Variants in BLK observed in about 807,000 individuals in gnomAD.
BLK encodes BLK proto-oncogene, Src family tyrosine kinase.
A neutral mutation model predicts 61.8 loss-of-function variants in BLK; 64 were observed. That is an observed-to-expected ratio of 1.03 (90% confidence interval 0.85 to 1.27). BLK has a LOEUF of 1.27. Among genes scored for constraint, BLK ranks in the 50% most tolerant of loss-of-function variants. BLK has a pLI of 0.00. For synonymous variants in BLK, 351 were observed against 272.0 expected (o/e 1.29, Z -2.86); for missense variants, 853 against 660.5 (o/e 1.29, Z -3.19).
At chr8:11,518,509 G>A (rs959734267) in intron 1 of BLK, among the ~76,000 whole-genome samples, 4 of 151,974 alleles carry the variant, frequency 2.6e-5, no homozygotes, top group Non-Finnish European at 4.4e-5. Context: ...TCACTGTCAC[G>A]CTGTTGCTGG....
Position 11,563,946 on chromosome 8 carries a change from C to T in BLK, c.1356C>T (p.Tyr452=), listed in dbSNP as rs537949045. 1.2e-6 allele frequency: 2 copies of T among 1,607,494 alleles called. No homozygotes were observed. The highest frequency in any genetic ancestry group is 2.2e-5 in the East Asian group (1 of 44,846). Residue 452 remains tyrosine (Y), a synonymous_variant, in exon 13 of 13, where the codon TAC becomes TAT. Transcript: ENST00000259089. ...PEVIRNLERG[Y]RMPRPDTCPP... ...TCATCCGCAACCTGGAGCGCGGCTA[C>T]CGCATGCCGCGCCCCGACACCTGCC...
At chr8:11,507,195 G>A (rs1053815764) in intron 1 of BLK, among the ~76,000 whole-genome samples, 4 of 152,242 alleles carry the variant, frequency 2.6e-5, no homozygotes, top group Non-Finnish European at 5.9e-5. Context: ...CTTGGCAGAG[G>A]AAGAGTGAAG....
chr8:11,523,234 C>T (rs929556189), intron 1 of BLK, among the ~76,000 whole-genome samples: 1 of 152,182 alleles, frequency 6.6e-6, no homozygotes, highest in African/African-American at 2.4e-5. Context: ...CTGCATAATA[C>T]ATACCATGCT....
At chr8:11,525,578 A>G (rs1223047170) in intron 1 of BLK, among the ~76,000 whole-genome samples, 3 of 152,164 alleles carry the variant, frequency 2.0e-5, no homozygotes, top group Non-Finnish European at 4.4e-5. Flanking sequence ...TTACCTATCT[A>G]TTCATTTGCT....
At chr8:11,551,180 G>A (rs921353923) in intron 6 of BLK, among the ~76,000 whole-genome samples, 2 of 152,182 alleles carry the variant, frequency 1.3e-5, no homozygotes, top group Admixed American at 6.5e-5. Context: ...AGCAGTGTTT[G>A]TGGGATTCTA....
intron 1 of BLK, among the ~76,000 whole-genome samples, chr8:11,540,915 C>T (rs1348460120): frequency 6.6e-6 from 1 of 151,464 alleles, no homozygotes; most frequent in Non-Finnish European, 1.5e-5. Context: ...CACCTTAATG[C>T]TAATGCCTCA....
At chr8:11,561,267 C>T (rs770895584) in intron 10 of BLK, 35 bp from the exon 11 acceptor site, 6 of 1,604,554 alleles carry the variant, frequency 3.7e-6, no homozygotes, top group Non-Finnish European at 5.1e-6. Flanking sequence ...GTGGAGGCCC[C>T]CAGGCTGTCC....
intron 1 of BLK, among the ~76,000 whole-genome samples, chr8:11,525,213 C>A (rs1464518514): frequency 6.6e-6 from 1 of 152,186 alleles, no homozygotes; most frequent in African/African-American, 2.4e-5. Context: ...TAAGTAATTG[C>A]TTGTCTGTTT....
intron 5 of BLK, among the ~76,000 whole-genome samples, chr8:11,549,792 AGTTT>A: frequency 6.6e-6 from 1 of 152,226 alleles, no homozygotes; most frequent in Non-Finnish European, 1.5e-5. Context: ...GAGTCTCGGC[AGTTT>A]GCCTAATTCA....
intron 1 of BLK, among the ~76,000 whole-genome samples, chr8:11,533,013 A>G (rs1799952577): frequency 6.6e-6 from 1 of 152,250 alleles, no homozygotes; most frequent in African/African-American, 2.4e-5. Flanking sequence ...TGTCAGGGCT[A>G]CATATAATAC....
intron 1 of BLK, among the ~76,000 whole-genome samples, chr8:11,510,314 G>C (rs550379797): frequency 1.3e-5 from 2 of 152,240 alleles, no homozygotes; most frequent in Non-Finnish European, 2.9e-5. Context: ...CATATTTGCT[G>C]GCCAGGGTTA....
At chr8:11,534,392 C>T (rs1038810251) in intron 1 of BLK, among the ~76,000 whole-genome samples, 8 of 152,276 alleles carry the variant, frequency 5.3e-5, no homozygotes, top group African/African-American at 1.9e-4. Flanking sequence ...CATAAATTTA[C>T]ATGGTGTTCC....
At chr8:11,510,221 G>T (rs4840570) in intron 1 of BLK, among the ~76,000 whole-genome samples, 37,160 of 152,130 alleles carry the variant, frequency 0.24, 5,174 homozygotes, top group Middle Eastern at 0.33. Context: ...GGGGGCTGGC[G>T]TGGGGTAAGC....
In BLK at chr8:11,555,489, G is replaced by T. The variant is rs1221739760; in HGVS notation, c.772+5G>T. ...AATTCGGCGAAGTCTGGATGGGTGA[G>T]TGTGTGCACACGTGGGAGCATTTCT... On this transcript the variant is annotated splice_donor_5th_base_variant and intron_variant, in intron 8 of 12. Coordinates refer to ENST00000259089, the MANE Select transcript of BLK (RefSeq NM_001715.3). The T allele has an allele frequency of 1.9e-6, 3 of 1,614,036 alleles. No homozygotes were observed. Among genetic ancestry groups the T allele is most frequent in the Non-Finnish European group, 2.5e-6 (3 of 1,180,040 alleles).
rs749456754 is a variant in BLK at position 11,548,131 on chromosome 8, G to C, written c.269+6G>C. On this transcript the variant is annotated splice_donor_region_variant and intron_variant, in intron 4 of 12. Transcript: ENST00000259089. ...AAGCTACAGGTCCTGAAGGGGTGAG[G>C]TTCCAGGACACCATCCCCTGTCCCT... The C allele has an allele frequency of 6.2e-7, 1 of 1,609,948 alleles. No individual in the cohort carries two copies. The highest frequency in any genetic ancestry group is 1.1e-5 in the South Asian group (1 of 90,960).
At chr8:11,548,834 C>T (rs1037889130) in intron 4 of BLK, among the ~76,000 whole-genome samples, 190 bp from the exon 5 acceptor site, 10 of 152,346 alleles carry the variant, frequency 6.6e-5, no homozygotes, top group African/African-American at 2.4e-4. Context: ...AGCTCTTCCC[C>T]CTAGAACTTG....
At chr8:11,543,810 C>T (rs1044179421) in intron 2 of BLK, among the ~76,000 whole-genome samples, 2 of 151,862 alleles carry the variant, frequency 1.3e-5, no homozygotes, top group African/African-American at 4.8e-5. Context: ...ATCCCATGGG[C>T]ATTTTAAATG....
chr8:11,558,330 G>A (rs911698497), intron 10 of BLK: 9 of 442,556 alleles, frequency 2.0e-5, no homozygotes, highest in South Asian at 1.0e-4. Flanking sequence ...AAGAGAGGGC[G>A]AATGAATGTC....
chr8:11,510,811 A>AC (rs1798971772), intron 1 of BLK, among the ~76,000 whole-genome samples: 1 of 144,668 alleles, frequency 6.9e-6, no homozygotes, highest in Non-Finnish European at 1.6e-5. Context: ...ATAAATAAAT[A>AC]AATAAATACA....
Sources: allele counts gnomAD v4.1 joint callset (sites outside exome capture counted in the v4.1 genomes callset), GRCh38; gene constraint gnomAD v4.1.1; transcripts MANE v1.5; gene names NCBI Gene and HGNC (gene_info 2026-07-23, HGNC 2026-07-21).